The following MRPL44 variants were observed in gnomAD, a reference collection of about 807,000 sequenced individuals.
The protein encoded by MRPL44 is mitochondrial ribosomal protein L44.
In MRPL44, 21 loss-of-function variants were observed where a neutral mutation model predicts 25.9. That is an observed-to-expected ratio of 0.81 (90% confidence interval 0.58 to 1.17). The LOEUF (loss-of-function observed/expected upper bound fraction) is 1.17. MRPL44 is among the 50% of genes most tolerant of loss of function. MRPL44 has a pLI of 0.00. For missense variants in MRPL44, 410 were observed against 398.9 expected (o/e 1.03, Z -0.24); for synonymous variants, 169 against 151.0 (o/e 1.12, Z -0.87).
intron 1 of MRPL44, among the ~76,000 whole-genome samples, chr2:223,958,518 ATT>A (rs892567233): frequency 6.6e-6 from 1 of 152,226 alleles, no homozygotes. Flanking sequence ...AAGATTAAGT[ATT>A]TTAGGCTCTC....
chr2:223,956,629 G>C (rs1689567764), upstream of MRPL44, among the ~76,000 whole-genome samples: 1 of 152,180 alleles, frequency 6.6e-6, no homozygotes, highest in Non-Finnish European at 1.5e-5. Context: ...GTTCAATCTG[G>C]GTGACTGCTG....
chr2:223,957,310 G>C (rs371626626), upstream of MRPL44: 243 of 798,282 alleles, frequency 3.0e-4, no homozygotes, highest in African/African-American at 3.7e-3. Flanking sequence ...ACCCCGCCCC[G>C]GGGCTGTCTC....
At chr2:223,966,608 C>T (rs1011626580) in intron 3 of MRPL44, among the ~76,000 whole-genome samples, 1 of 152,086 alleles carries the variant, frequency 6.6e-6, no homozygotes, top group African/African-American at 2.4e-5. Flanking sequence ...AACCTAGATA[C>T]GACTTGCTTT....
At chr2:223,953,251 C>T (rs1689517010), upstream of MRPL44, among the ~76,000 whole-genome samples, 1 of 151,786 alleles carries the variant, frequency 6.6e-6, no homozygotes, top group Non-Finnish European at 1.5e-5. Flanking sequence ...TCTCCTGTCT[C>T]AGCCTCTCGA....
At chr2:223,957,222 C>G (rs946683723), upstream of MRPL44, among the ~76,000 whole-genome samples, 1 of 152,264 alleles carries the variant, frequency 6.6e-6, no homozygotes, top group African/African-American at 2.4e-5. Context: ...CGCAAACGCC[C>G]TCAAGTCCGG....
At chr2:223,966,806 G>A (rs1449499745) in intron 3 of MRPL44, 57 bp from the exon 4 acceptor site, 3 of 1,500,344 alleles carry the variant, frequency 2.0e-6, no homozygotes, top group African/African-American at 1.4e-5. Flanking sequence ...TAACTGCTTT[G>A]TGTACTGTCT....
At chr2:223,966,763 A>G in intron 3 of MRPL44, 100 bp from the exon 4 acceptor site, 1 of 1,020,218 alleles carries the variant, frequency 9.8e-7, no homozygotes, top group Non-Finnish European at 1.4e-6. Flanking sequence ...AATGGGTATT[A>G]TTGAAATAGA....
upstream of MRPL44, among the ~76,000 whole-genome samples, chr2:223,952,781 C>A (rs1021443390): frequency 2.6e-5 from 4 of 152,128 alleles, no homozygotes; most frequent in Non-Finnish European, 5.9e-5. Flanking sequence ...TGTTTCTGTC[C>A]CTCATTTGCA....
chr2:223,963,838 A>G lies in MRPL44; in HGVS notation c.731A>G (p.Glu244Gly). The change falls in exon 3 of 4, where the codon GAA (glutamate) becomes GGA (glycine). Residue 244 changes from glutamate to glycine, a missense_variant. By Grantham distance (98) the Glu-to-Gly change is moderately conservative (BLOSUM62 -2). Coordinates refer to ENST00000258383, the MANE Select transcript of MRPL44 (RefSeq NM_022915.5). The part of the protein sequence containing the change: ...IINPMGLLVE[E>G]LKKRNVSAPE... Reference sequence around the variant, plus strand: ...AATCCCATGGGGCTATTGGTAGAAGAACTGAAGAAAAGGAATGTTTCAGCT... The same window carrying G: ...AATCCCATGGGGCTATTGGTAGAAGGACTGAAGAAAAGGAATGTTTCAGCT... 6.2e-7 allele frequency: 1 copy of G among 1,614,008 alleles called. No homozygotes were observed. Among genetic ancestry groups the G allele is most frequent in the Admixed American group, 1.7e-5 (1 of 60,020 alleles).
the MRPL44 span, among the ~76,000 whole-genome samples, chr2:223,951,753 A>G: frequency 1.3e-5 from 2 of 152,140 alleles, no homozygotes; most frequent in Non-Finnish European, 2.9e-5. Context: ...TGCTGGGATT[A>G]CAGGCTTGAG....
intron 2 of MRPL44, among the ~76,000 whole-genome samples, chr2:223,962,630 A>G (rs1689681191): frequency 6.6e-6 from 1 of 152,238 alleles, no homozygotes; most frequent in African/African-American, 2.4e-5. Context: ...TATCTTCGTC[A>G]TATAAATAAT....
chr2:223,961,091 T>C (rs1288020208), intron 2 of MRPL44, among the ~76,000 whole-genome samples: 2 of 152,224 alleles, frequency 1.3e-5, no homozygotes, highest in Non-Finnish European at 2.9e-5. Flanking sequence ...GGCCAGGCAC[T>C]CTGCTGAGCT....
Position 223,959,768 on chromosome 2 carries a change from A to G in MRPL44, c.414A>G (p.Thr138=), listed in dbSNP as rs779146093. ...QGTSFSQTCL[T]QFLEDEYPDM... The stretch of plus-strand genomic sequence containing the variant: ...CATCTTTTTCACAGACTTGCCTTAC[A>G]CAGTTTCTTGAAGACGAGTACCCAG... The change falls in exon 2 of 4, where the codon ACA becomes ACG. Residue 138 remains threonine, a synonymous_variant. Coordinates refer to ENST00000258383, the MANE Select transcript of MRPL44 (RefSeq NM_022915.5). 1.9e-6 allele frequency: 3 copies of G among 1,614,244 alleles called. No homozygotes were observed. The highest frequency in any genetic ancestry group is 1.3e-5 in the African/African-American group (1 of 75,060).
At chr2:223,951,289 G>C in the MRPL44 span, among the ~76,000 whole-genome samples, 1 of 152,154 alleles carries the variant, frequency 6.6e-6, no homozygotes, top group Non-Finnish European at 1.5e-5. Context: ...GGTACACAAA[G>C]AGAAATTATT....
At chr2:223,965,845 TTTAA>T (rs1253001364) in intron 3 of MRPL44, 5 of 152,288 alleles carry the variant, frequency 3.3e-5, no homozygotes, top group African/African-American at 1.2e-4. Context: ...TTCCTTTTTA[TTTAA>T]TTACTATTTA....
At chr2:223,953,019 G>A (rs935928799), upstream of MRPL44, among the ~76,000 whole-genome samples, 1 of 151,994 alleles carries the variant, frequency 6.6e-6, no homozygotes, top group African/African-American at 2.4e-5. Context: ...TAAATTATAA[G>A]GCAATATTTC....
intron 3 of MRPL44, 68 bp from the exon 4 acceptor site, chr2:223,966,795 A>G: frequency 7.1e-7 from 1 of 1,413,156 alleles, no homozygotes; most frequent in Non-Finnish European, 9.6e-7. Context: ...TAATTGCTTT[A>G]TAACTGCTTT....
At chr2:223,952,850 T>G (rs2106113058), upstream of MRPL44, among the ~76,000 whole-genome samples, 1 of 152,330 alleles carries the variant, frequency 6.6e-6, no homozygotes, top group Non-Finnish European at 1.5e-5. Flanking sequence ...CATGTGGCAG[T>G]CCTGGAGTCT....
intron 3 of MRPL44, among the ~76,000 whole-genome samples, chr2:223,966,154 C>T (rs145554607): frequency 0.025 from 3,809 of 151,394 alleles, 61 homozygotes; most frequent in Non-Finnish European, 0.035. Context: ...GAGAATGGCG[C>T]GAACCCAGGA....
Sources: gnomAD v4.1 joint callset for allele counts (sites outside exome capture counted in the v4.1 genomes callset) on GRCh38, gnomAD v4.1.1 for gene constraint, MANE v1.5 for transcripts, NCBI Gene and HGNC (gene_info 2026-07-23, HGNC 2026-07-21) for gene names.